The following STXBP5L variants were observed in gnomAD, a reference collection of about 807,000 sequenced individuals.
The protein encoded by STXBP5L is syntaxin binding protein 5L.
Under a neutral mutation model 144.5 loss-of-function variants are expected in STXBP5L, and 65 were observed. That is an observed-to-expected ratio of 0.45 (90% CI 0.37 to 0.55). The LOEUF (loss-of-function observed/expected upper bound fraction) is 0.55. Among genes scored for constraint, STXBP5L ranks in the 20% least tolerant of loss-of-function variants. STXBP5L has a pLI of 0.00. For synonymous variants in STXBP5L, 505 were observed against 469.6 expected, an observed-to-expected ratio of 1.08 and a Z score of -0.97; for missense variants, 1,298 against 1,405.5, an observed-to-expected ratio of 0.92 and a Z score of 1.22.
At chr3:121,312,446 C>CTTTTTTTTTTTTTTTTTTT (rs58989280) in intron 19 of STXBP5L, among the ~76,000 whole-genome samples, 7 of 12,750 alleles carry the variant, frequency 5.5e-4, no homozygotes, top group Non-Finnish European at 7.0e-4. Flanking sequence ...GTATGTCAAT[C>CTTTTTTTTTTTTTTTTTTT]TTTTTTTTTT....
intron 3 of STXBP5L, among the ~76,000 whole-genome samples, chr3:120,985,176 G>A (rs927727619): frequency 1.3e-4 from 19 of 151,984 alleles, no homozygotes; most frequent in Non-Finnish European, 1.5e-5. Context: ...TGGCCTTACA[G>A]AATGAGTTAG....
chr3:121,067,842 CTCTT>C (rs771948505), intron 5 of STXBP5L, among the ~76,000 whole-genome samples: 3 of 152,104 alleles, frequency 2.0e-5, no homozygotes, highest in East Asian at 3.8e-4. Flanking sequence ...TATAAAATAT[CTCTT>C]TCTCTGTAGT....
chr3:121,096,779 C>G (rs1292674814), intron 5 of STXBP5L, among the ~76,000 whole-genome samples: 1 of 152,176 alleles, frequency 6.6e-6, no homozygotes, highest in Admixed American at 6.5e-5. Flanking sequence ...AGGTTTCTGT[C>G]AGCCCCTACT....
At chr3:121,246,215 A>T (rs1025573461) in intron 14 of STXBP5L, among the ~76,000 whole-genome samples, 1 of 152,214 alleles carries the variant, frequency 6.6e-6, no homozygotes, top group Non-Finnish European at 1.5e-5. Flanking sequence ...TGAACTGCAC[A>T]TGCAAGAGAT....
intron 22 of STXBP5L, among the ~76,000 whole-genome samples, chr3:121,390,756 G>C (rs1011542636): frequency 1.8e-4 from 28 of 152,178 alleles, no homozygotes; most frequent in African/African-American, 6.5e-4. Flanking sequence ...GAGATCTGCT[G>C]TTAGTCTGAT....
chr3:121,006,684 G>C, intron 3 of STXBP5L, among the ~76,000 whole-genome samples: 1 of 152,142 alleles, frequency 6.6e-6, no homozygotes. Context: ...TGCAGTGGCT[G>C]GTGCCAGTTT....
chr3:121,006,670 T>C (rs544471151), intron 3 of STXBP5L, among the ~76,000 whole-genome samples: 1 of 152,152 alleles, frequency 6.6e-6, no homozygotes, highest in East Asian at 1.9e-4. Context: ...ATTTGGCATG[T>C]TTTTGCAGTG....
intron 20 of STXBP5L, among the ~76,000 whole-genome samples, chr3:121,352,633 G>T (rs930619013): frequency 6.6e-6 from 1 of 152,068 alleles, no homozygotes; most frequent in Non-Finnish European, 1.5e-5. Context: ...TGCAAACAGG[G>T]ACAATTTGAC....
At chr3:121,373,210 C>G (rs2046083743) in intron 20 of STXBP5L, among the ~76,000 whole-genome samples, 1 of 152,216 alleles carries the variant, frequency 6.6e-6, no homozygotes, top group Admixed American at 6.5e-5. Flanking sequence ...GCAAGGCACT[C>G]AGTTGGATTG....
At chr3:121,230,266 G>A (rs1577261101) in intron 11 of STXBP5L, among the ~76,000 whole-genome samples, 1 of 152,202 alleles carries the variant, frequency 6.6e-6, no homozygotes, top group East Asian at 1.9e-4. Context: ...TAATTCAGAG[G>A]ACACAGGCAT....
At chr3:121,166,777 T>A (rs2046515604) in intron 9 of STXBP5L, among the ~76,000 whole-genome samples, 1 of 152,030 alleles carries the variant, frequency 6.6e-6, no homozygotes, top group Non-Finnish European at 1.5e-5. Context: ...TCAGAGAGAG[T>A]CTTCTCTTGC....
intron 5 of STXBP5L, among the ~76,000 whole-genome samples, chr3:121,072,206 C>T (rs116329365): frequency 7.8e-4 from 119 of 152,306 alleles, no homozygotes; most frequent in African/African-American, 2.4e-3. Flanking sequence ...GTAGGAAATG[C>T]CTTCACCCAC....
rs569899996 is a variant in STXBP5L at position 121,220,791 on chromosome 3, C to G, written c.957-2212C>G. On this transcript the variant is annotated intron_variant, in intron 10 of 26. Coordinates refer to ENST00000471454, the MANE Select transcript of STXBP5L (RefSeq NM_001308330.2). ...CTGGGTTTGAATCTTTGTCCTGGTA[C>G]TCACTAGCTGCTTGACCCTGGACAA... 7.9e-5 allele frequency among the ~76,000 whole-genome samples: 12 copies of G among 152,124 alleles called. No individual in the cohort carries two copies. The South Asian group carries it at 2.5e-3, about 31-fold the overall frequency.
chr3:120,972,633 T>C (rs771491351), intron 3 of STXBP5L, among the ~76,000 whole-genome samples: 1 of 152,054 alleles, frequency 6.6e-6, no homozygotes, highest in Non-Finnish European at 1.5e-5. Flanking sequence ...AAGCTGGCAT[T>C]CTTGTCTTTT....
At chr3:120,996,937 A>G (rs1208023790) in intron 3 of STXBP5L, among the ~76,000 whole-genome samples, 1 of 152,054 alleles carries the variant, frequency 6.6e-6, no homozygotes, top group Admixed American at 6.6e-5. Context: ...TAGTTTTTCA[A>G]TCCTTATCCT....
At chr3:121,092,261 C>T (rs375050321) in intron 5 of STXBP5L, among the ~76,000 whole-genome samples, 14,037 of 150,342 alleles carry the variant, frequency 0.093, 1,046 homozygotes, top group Admixed American at 0.19. Context: ...CGGGCTCTTT[C>T]TTGGTTCCAT....
intron 6 of STXBP5L, among the ~76,000 whole-genome samples, chr3:121,116,296 C>A (rs2044226944): frequency 1.3e-5 from 2 of 152,010 alleles, no homozygotes; most frequent in Admixed American, 1.3e-4. Context: ...TTTTGTGAAG[C>A]TTGACGCTGG....
intron 5 of STXBP5L, among the ~76,000 whole-genome samples, chr3:121,085,178 C>T (rs978553153): frequency 6.6e-6 from 1 of 152,088 alleles, no homozygotes; most frequent in Admixed American, 6.6e-5. Flanking sequence ...TCTGTTCATG[C>T]TGATGATAGT....
At chr3:121,261,834 A>G (rs1392104204) in intron 18 of STXBP5L, among the ~76,000 whole-genome samples, 1 of 152,194 alleles carries the variant, frequency 6.6e-6, no homozygotes, top group African/African-American at 2.4e-5. Context: ...TTGAGGAAAA[A>G]ATAAGAGAAG....
Sources: gnomAD v4.1 joint callset for allele counts (sites outside exome capture counted in the v4.1 genomes callset) on GRCh38, gnomAD v4.1.1 for gene constraint, MANE v1.5 for transcripts, NCBI Gene and HGNC (gene_info 2026-07-23, HGNC 2026-07-21) for gene names.